Variants in MCF2L2 observed in about 807,000 individuals in gnomAD.
MCF2L2 encodes the protein MCF.2 cell line derived transforming sequence-like 2, also known as probable guanine nucleotide exchange factor MCF2L2.
Under a neutral mutation model 150.2 loss-of-function variants are expected in MCF2L2, and 102 were observed. The observed-to-expected ratio is 0.68, with a 90% CI of 0.58 to 0.80. The LOEUF (loss-of-function observed/expected upper bound fraction) is 0.80. Among genes scored for constraint, MCF2L2 ranks in the 30% least tolerant of loss-of-function variants. MCF2L2 has a pLI of 0.00. For missense variants in MCF2L2, 1,256 were observed against 1,372.8 expected (o/e 0.91, Z 1.34); for synonymous variants, 465 against 491.3 (o/e 0.95, Z 0.71).
intron 8 of MCF2L2, 136 bp downstream of exon 8, chr3:183,311,512 T>C: frequency 1.0e-6 from 1 of 968,300 alleles, no homozygotes. Context: ...TTTTTTCCTT[T>C]GTTGTCTCAA....
intron 14 of MCF2L2, among the ~76,000 whole-genome samples, chr3:183,278,615 G>A (rs950460540): frequency 2.6e-5 from 4 of 152,062 alleles, no homozygotes; most frequent in Non-Finnish European, 4.4e-5. Flanking sequence ...GATCCCCAGC[G>A]TGTAATACAG....
At chr3:183,390,789 T>A (rs1373191651) in intron 1 of MCF2L2, among the ~76,000 whole-genome samples, 4 of 152,074 alleles carry the variant, frequency 2.6e-5, no homozygotes, top group Non-Finnish European at 5.9e-5. Context: ...CCCAGCTACT[T>A]GGGAGGCTGA....
rs1158632298 is a variant in MCF2L2 at position 183,181,607 on chromosome 3, G to A, written c.3017-1448C>T. Among the ~76,000 whole-genome samples the A allele has an allele frequency of 6.6e-6, 1 of 152,184 alleles. No individual in the cohort carries two copies. The highest frequency in any genetic ancestry group is 2.4e-5 in the African/African-American group (1 of 41,432). On this transcript the variant is annotated intron_variant, in intron 27 of 29. Transcript: ENST00000328913. This position sits in a 1 kb window ranked among gnomAD's most constrained non-coding sequence, Gnocchi z 4.3. ...GCCCTGGGGTCCCCTTATGCCAGGA[G>A]CAAGCAGTGAGAATGGAAGAATGAT...
At chr3:183,329,282 T>C (rs1196234396) in intron 5 of MCF2L2, among the ~76,000 whole-genome samples, 1 of 152,162 alleles carries the variant, frequency 6.6e-6, no homozygotes, top group Non-Finnish European at 1.5e-5. Flanking sequence ...CTGCAACCTC[T>C]GCCTCAGCAA....
At chr3:183,246,758 G>A (rs977553052) in intron 15 of MCF2L2, among the ~76,000 whole-genome samples, 2 of 152,062 alleles carry the variant, frequency 1.3e-5, no homozygotes, top group Non-Finnish European at 2.9e-5. Context: ...TTGAGGAATT[G>A]CCATACCACC....
At chr3:183,358,815 G>C (rs372695096) in intron 3 of MCF2L2, among the ~76,000 whole-genome samples, 1 of 152,018 alleles carries the variant, frequency 6.6e-6, no homozygotes, top group Admixed American at 6.6e-5. Flanking sequence ...TGTAGAGACA[G>C]GGTCTTGCCG....
intron 1 of MCF2L2, among the ~76,000 whole-genome samples, chr3:183,405,506 A>C (rs1229711492): frequency 1.3e-5 from 2 of 152,178 alleles, no homozygotes; most frequent in East Asian, 3.9e-4. Flanking sequence ...CCTGGAAATC[A>C]CTGCATTCCT....
chr3:183,230,866 TG>T, intron 16 of MCF2L2, 84 bp downstream of exon 16: 1 of 1,027,970 alleles, frequency 9.7e-7, no homozygotes, highest in Non-Finnish European at 1.5e-6. Flanking sequence ...TGGAGACTTC[TG>T]GCAACTATTT....
intron 3 of MCF2L2, chr3:183,374,683 AG>A (rs200515097): frequency 0.056 from 8,166 of 147,090 alleles, 243 homozygotes; most frequent in East Asian, 0.078. Context: ...AAAAAAAAAA[AG>A]AAAGAAAGAA....
At chr3:183,200,847 G>T (rs575023919) in intron 25 of MCF2L2, among the ~76,000 whole-genome samples, 2 of 152,258 alleles carry the variant, frequency 1.3e-5, no homozygotes, top group South Asian at 4.1e-4. Flanking sequence ...CATATGGCTA[G>T]CCAGTTTTCC....
chr3:183,306,558 G>A (rs576622445), intron 10 of MCF2L2, among the ~76,000 whole-genome samples: 7 of 152,188 alleles, frequency 4.6e-5, no homozygotes, highest in African/African-American at 1.2e-4. Context: ...GCGAGAAAGC[G>A]AGTGATGCTA....
At chr3:183,222,606 G>A (rs964784366) in intron 20 of MCF2L2, among the ~76,000 whole-genome samples, 1 of 152,064 alleles carries the variant, frequency 6.6e-6, no homozygotes, top group African/African-American at 2.4e-5. Context: ...CCAGTAAACA[G>A]TAGGTGCTTG....
intron 21 of MCF2L2, 132 bp from the exon 22 acceptor site, chr3:183,216,226 C>T (rs1349503508): frequency 3.1e-6 from 3 of 970,652 alleles, no homozygotes; most frequent in Admixed American, 4.8e-5. Context: ...TGATCTGTCT[C>T]CCTGCTCCCA....
chr3:183,401,205 G>A (rs1173735783), intron 1 of MCF2L2, among the ~76,000 whole-genome samples: 2 of 152,154 alleles, frequency 1.3e-5, no homozygotes, highest in African/African-American at 4.8e-5. Context: ...CTCAGAGAGA[G>A]GCTGCCTTTT....
In MCF2L2 at chr3:183,207,600, C is replaced by G. The variant is rs1722541801; in HGVS notation, c.2712+8G>C. 6.2e-7 allele frequency: 1 copy of G among 1,604,454 alleles called. No individual in the cohort carries two copies. On this transcript the variant is annotated splice_region_variant and intron_variant, in intron 23 of 29. Transcript: ENST00000328913. Reference sequence around the variant, plus strand: ...GGCGACTCCCAGATGCAATAGGACTCCCTTTACCTTCATGGTCTTCTTGAA... The same window carrying G: ...GGCGACTCCCAGATGCAATAGGACTGCCTTTACCTTCATGGTCTTCTTGAA...
intron 1 of MCF2L2, among the ~76,000 whole-genome samples, chr3:183,420,628 G>T (rs1455045838): frequency 6.6e-6 from 1 of 152,050 alleles, no homozygotes; most frequent in East Asian, 1.9e-4. Flanking sequence ...AACCTGAAAT[G>T]GGGTAATTTA....
intron 15 of MCF2L2, among the ~76,000 whole-genome samples, chr3:183,261,833 T>G (rs980179612): frequency 5.9e-5 from 9 of 151,766 alleles, no homozygotes; most frequent in African/African-American, 2.2e-4. Flanking sequence ...TTGGCAATAA[T>G]TGAAGTAAGA....
chr3:183,234,167 A>AACACC (rs1475557571), intron 15 of MCF2L2, among the ~76,000 whole-genome samples: 2 of 152,092 alleles, frequency 1.3e-5, no homozygotes, highest in Non-Finnish European at 2.9e-5. Flanking sequence ...GGACCACAGC[A>AACACC]ACAGTTAAGC....
intron 3 of MCF2L2, among the ~76,000 whole-genome samples, chr3:183,351,224 ATATATATATATATTTATTTATTTATT>A (rs1433282666): frequency 3.4e-4 from 30 of 88,014 alleles, no homozygotes; most frequent in African/African-American, 1.7e-3. Context: ...ATATATATAT[ATATATATATATATTTATTTATTTATT>A]TATCAGAACC....
Sources: allele counts gnomAD v4.1 joint callset (sites outside exome capture counted in the v4.1 genomes callset), GRCh38; gene constraint gnomAD v4.1.1; non-coding constraint Gnocchi (gnomAD v3.1); transcripts MANE v1.5; gene names NCBI Gene and HGNC (gene_info 2026-07-23, HGNC 2026-07-21).